Variants in MICAL2 observed in about 807,000 individuals in gnomAD.
MICAL2 encodes microtubule associated monooxygenase, calponin and LIM domain containing 2.
In MICAL2, 77 loss-of-function variants were observed where a neutral mutation model predicts 127.3. The ratio of observed to expected loss-of-function variants is 0.60; its 90% CI spans 0.50 to 0.73. The LOEUF is 0.73. MICAL2 is among the 30% of genes least tolerant of loss of function. MICAL2 has a pLI of 0.00. For missense variants in MICAL2, 1,351 were observed against 1,434.4 expected (o/e 0.94, Z 0.94); for synonymous variants, 570 against 551.1 (o/e 1.03, Z -0.48).
At chr11:12,267,544 C>T (rs1356871507), downstream of MICAL2, among the ~76,000 whole-genome samples, 3 of 152,178 alleles carry the variant, frequency 2.0e-5, no homozygotes, top group African/African-American at 7.2e-5. Flanking sequence ...AGCCACCCCT[C>T]TGAGGCCTCC....
At chr11:12,280,581 T>C (rs1200177954) in intron 1 of MICAL2, among the ~76,000 whole-genome samples, 1 of 152,188 alleles carries the variant, frequency 6.6e-6, no homozygotes, top group African/African-American at 2.4e-5. Context: ...GTTTGCATAG[T>C]GTTTTCCTTC....
intron 15 of MICAL2, among the ~76,000 whole-genome samples, chr11:12,229,840 G>C (rs375698148): frequency 1.3e-4 from 20 of 152,268 alleles, no homozygotes; most frequent in African/African-American, 4.8e-4. Context: ...TCTTCTTCAG[G>C]GTGTGTCCCT....
At position 12,256,895 on chromosome 11, in the gene MICAL2, C is replaced by T. The variant is rs750331903; in HGVS notation, c.3066C>T (p.Phe1022=). 3.1e-6 allele frequency: 5 copies of T among 1,614,206 alleles called. No individual in the cohort carries two copies. The highest frequency in any genetic ancestry group is 4.2e-6 in the Non-Finnish European group (5 of 1,180,018). The part of the protein sequence containing the change: ...MERLSAEGHF[F]HRECFRCSIC... ...GGCTGAGCGCCGAGGGCCACTTCTTCCACCGGGAGTGTTTCCGCTGCAGCA... is the reference window on the plus strand; with the variant it reads ...GGCTGAGCGCCGAGGGCCACTTCTTTCACCGGGAGTGTTTCCGCTGCAGCA... The change falls in exon 24 of 28, where the codon TTC becomes TTT. Residue 1022 remains phenylalanine (F), a synonymous_variant. Coordinates refer to ENST00000683283, the MANE Select transcript of MICAL2 (RefSeq NM_001282663.2).
At chr11:12,331,705 G>A (rs182383755) in intron 32 of MICAL2, among the ~76,000 whole-genome samples, 13 of 152,028 alleles carry the variant, frequency 8.6e-5, no homozygotes, top group Admixed American at 1.3e-4. Context: ...ACTTTTCTGC[G>A]AAATTTTCTC....
At chr11:12,274,414 A>G (rs1446428514), upstream of MICAL2, 3 of 152,230 alleles carry the variant, frequency 2.0e-5, no homozygotes, top group Non-Finnish European at 4.4e-5. Context: ...AGAGACAATA[A>G]ACAAAATGAA....
chr11:12,327,224 A>G, exon 32 of MICAL2: 1 of 1,551,452 alleles, frequency 6.4e-7, no homozygotes, highest in Non-Finnish European at 8.7e-7. Context: ...GGCTTCTGAG[A>G]TCCAGGGTGT....
At chr11:12,352,702 G>T (rs909744573) in intron 33 of MICAL2, among the ~76,000 whole-genome samples, 2 of 152,190 alleles carry the variant, frequency 1.3e-5, no homozygotes, top group African/African-American at 4.8e-5. Context: ...AGAACAAGAG[G>T]TCTATTGGGG....
chr11:12,216,000 G>T (rs1429542077), intron 7 of MICAL2, among the ~76,000 whole-genome samples: 1 of 152,160 alleles, frequency 6.6e-6, no homozygotes, highest in African/African-American at 2.4e-5. Context: ...GTTTTAACAG[G>T]AATAATGCCG....
intron 8 of MICAL2, among the ~76,000 whole-genome samples, chr11:12,219,622 T>C (rs1196861775): frequency 1.3e-5 from 2 of 151,862 alleles, no homozygotes; most frequent in African/African-American, 4.8e-5. Context: ...TGTGAGAGGT[T>C]TCCCATTTTC....
intron 1 of MICAL2, among the ~76,000 whole-genome samples, chr11:12,278,494 A>G (rs1333968492): frequency 6.6e-6 from 1 of 152,230 alleles, no homozygotes; most frequent in Non-Finnish European, 1.5e-5. Flanking sequence ...TTATGGGACC[A>G]CCATCAAATA....
chr11:12,241,187 G>C, intron 18 of MICAL2, 25 bp downstream of exon 18: 1 of 1,607,036 alleles, frequency 6.2e-7, no homozygotes, highest in Non-Finnish European at 8.5e-7. Flanking sequence ...AGTGGATGCT[G>C]TTTTGGTGAA....
chr11:12,332,481 T>A (rs1394859095), intron 32 of MICAL2, among the ~76,000 whole-genome samples: 1 of 152,200 alleles, frequency 6.6e-6, no homozygotes, highest in Non-Finnish European at 1.5e-5. Context: ...GTAATAAGAC[T>A]TCAAAGTGGA....
chr11:12,118,736 T>C (rs1224838992), intron 1 of MICAL2, among the ~76,000 whole-genome samples: 1 of 152,210 alleles, frequency 6.6e-6, no homozygotes, highest in Non-Finnish European at 1.5e-5. Flanking sequence ...AGTTAATGAA[T>C]CCTAGTATTT....
intron 2 of MICAL2, among the ~76,000 whole-genome samples, chr11:12,284,638 C>T (rs577207022): frequency 4.7e-4 from 72 of 152,122 alleles, no homozygotes; most frequent in African/African-American, 1.6e-3. Context: ...GAAATGTCTT[C>T]ATTAAGTGAT....
intron 15 of MICAL2, among the ~76,000 whole-genome samples, chr11:12,228,123 G>A (rs1033965072): frequency 1.3e-5 from 2 of 152,224 alleles, no homozygotes; most frequent in African/African-American, 4.8e-5. Flanking sequence ...GAGGTCAGGA[G>A]TTTGAGACCA....
intron 29 of MICAL2, among the ~76,000 whole-genome samples, chr11:12,308,870 CAGT>C (rs1864142147): frequency 1.3e-5 from 2 of 152,144 alleles, no homozygotes; most frequent in Admixed American, 1.3e-4. Flanking sequence ...TTTCTTTTGT[CAGT>C]CCTTTATTAG....
At chr11:12,118,335 C>T (rs1222830637) in intron 1 of MICAL2, among the ~76,000 whole-genome samples, 5 of 152,230 alleles carry the variant, frequency 3.3e-5, no homozygotes, top group African/African-American at 1.2e-4. Context: ...TCCCTGTCCT[C>T]CAGCCCTCAG....
At chr11:12,213,195 T>C in intron 6 of MICAL2, 60 bp from the exon 7 acceptor site, 3 of 1,527,822 alleles carry the variant, frequency 2.0e-6, no homozygotes, top group Non-Finnish European at 2.7e-6. Context: ...CCAATAATCA[T>C]TTTCAGTTTT....
intron 29 of MICAL2, among the ~76,000 whole-genome samples, chr11:12,299,541 T>G (rs1037348588): frequency 1.3e-5 from 2 of 152,264 alleles, no homozygotes; most frequent in African/African-American, 4.8e-5. Flanking sequence ...TTGAATGACT[T>G]GGAGGCATAA....
Sources: allele counts gnomAD v4.1 joint callset (sites outside exome capture counted in the v4.1 genomes callset), GRCh38; gene constraint gnomAD v4.1.1; transcripts MANE v1.5; gene names NCBI Gene and HGNC (gene_info 2026-07-23, HGNC 2026-07-21).